The following KIF1B variants were observed in gnomAD, a reference collection of about 807,000 sequenced individuals.
KIF1B encodes kinesin-like protein KIF1B.
KIF1B carries 76 observed loss-of-function variants against 241.9 expected under a neutral mutation model. The observed-to-expected ratio is 0.31, with a 90% CI of 0.26 to 0.38. KIF1B has a LOEUF of 0.38. Ranked by LOEUF, KIF1B falls within the 10% of genes least tolerant of loss-of-function variation. KIF1B has a pLI of 1.00. For missense variants in KIF1B, 1,622 were observed against 2,271.4 expected, an observed-to-expected ratio of 0.71 and a Z score of 5.81; for synonymous variants, 750 against 796.7, an observed-to-expected ratio of 0.94 and a Z score of 0.99.
At chr1:10,312,500 AC>A (rs1651110164) in intron 22 of KIF1B, among the ~76,000 whole-genome samples, 1 of 151,196 alleles carries the variant, frequency 6.6e-6, no homozygotes, top group Non-Finnish European at 1.5e-5. Context: ...ATATCCCCAG[AC>A]CTTACCATGG....
At chr1:10,232,495 G>A (rs753997628) in intron 2 of KIF1B, 61 bp downstream of exon 2, 69 of 1,210,046 alleles carry the variant, frequency 5.7e-5, no homozygotes, top group Non-Finnish European at 7.3e-5. Flanking sequence ...TTTCCCTGTC[G>A]TCTTGCTGTG....
intron 45 of KIF1B, among the ~76,000 whole-genome samples, chr1:10,373,991 G>A (rs1246450230): frequency 6.6e-6 from 1 of 152,318 alleles, no homozygotes; most frequent in East Asian, 1.9e-4. Context: ...GTGGCCATGG[G>A]ACTAAAAAGA....
intron 2 of KIF1B, among the ~76,000 whole-genome samples, chr1:10,236,273 AAAC>A (rs367849877): frequency 8.6e-4 from 81 of 94,074 alleles, no homozygotes; most frequent in African/African-American, 1.3e-3. Flanking sequence ...CTCCATCCCA[AAAC>A]AACAACAACA....
rs181996610 is a variant in KIF1B, at chr1:10,351,268, C to T, written c.3950-1363C>T. Among the ~76,000 whole-genome samples, 451 of 151,836 alleles carry T rather than the reference C, an allele frequency of 3.0e-3. 2 individuals are homozygous for T. Among genetic ancestry groups the T allele is most frequent in the African/African-American group, 0.01 (427 of 41,390 alleles). ...TTTATATGGAACCCTAATACCGAAA[C>T]AGAAGAGATGCTTTCTGACCAGAGA... On this transcript the variant is annotated intron_variant, in intron 37 of 48. Transcript: ENST00000676179.
Position 10,278,119 on chromosome 1 carries a change from A to G in KIF1B, c.1171A>G (p.Ile391Val), listed in dbSNP as rs754483212. The change falls in exon 13 of 49, where the codon ATT (isoleucine) becomes GTT (valine). Residue 391 changes from isoleucine (I) to valine (V), a missense_variant. By Grantham distance (29) the Ile-to-Val change is conservative. This residue lies in a region of KIF1B where 201 missense variants were observed against 301.2 expected (regional missense o/e 0.67). Transcript: ENST00000676179. The stretch of plus-strand genomic sequence containing the variant: ...TCTTCGTGCTCAGGGCCTGGGAGAT[A>G]TTATTGATAGTAAGTGAATTAAGGA... ...DLLRAQGLGDIIDIDPLIDDY... is the reference protein window; with the variant it reads ...DLLRAQGLGDVIDIDPLIDDY... 6.2e-7 allele frequency: 1 copy of G among 1,614,010 alleles called. No individual in the cohort carries two copies. The highest frequency in any genetic ancestry group is 8.5e-7 in the Non-Finnish European group (1 of 1,179,898).
Position 10,345,841 on chromosome 1 carries a change from A to G in KIF1B, c.3689-4A>G, listed in dbSNP as rs767558248. 6 of 1,613,396 alleles carry G rather than the reference A, an allele frequency of 3.7e-6. No homozygotes were observed. The South Asian group carries it at 5.5e-5, about 15-fold the overall frequency. ...TTTTGACATACTCTAAAAACTTTTA[A>G]AAGTTCCAGCCACCAAGTTAAACAC... On this transcript the variant is annotated splice_polypyrimidine_tract_variant and splice_region_variant and intron_variant, in intron 34 of 48. Transcript: ENST00000676179.
At chr1:10,284,074 CT>C (rs1378831044) in intron 15 of KIF1B, among the ~76,000 whole-genome samples, 7 of 152,272 alleles carry the variant, frequency 4.6e-5, no homozygotes, top group Non-Finnish European at 7.4e-5. Context: ...ATTTTACTTA[CT>C]TCAAAAGTAC....
intron 38 of KIF1B, among the ~76,000 whole-genome samples, chr1:10,353,980 G>A (rs1467235151): frequency 6.6e-6 from 1 of 152,184 alleles, no homozygotes; most frequent in African/African-American, 2.4e-5. Context: ...AAAATGTATT[G>A]TAAATTTCCC....
rs1227916320 is a variant in KIF1B at position 10,379,398 on chromosome 1, C to T, written c.*2811C>T. 8.6e-6 allele frequency: 2 copies of T among 231,430 alleles called. No individual in the cohort carries two copies. Among genetic ancestry groups the T allele is most frequent in the Non-Finnish European group, 1.7e-5 (2 of 116,694 alleles). The allele number at this position is 231,430 out of a possible 1,614,324, so 14.3% of individuals were successfully genotyped here. A position where few individuals can be genotyped will look rare whatever the true frequency, so the allele number is the denominator to read the frequency against. On this transcript the variant is annotated 3_prime_UTR_variant, in exon 49 of 49. Coordinates refer to ENST00000676179, the MANE Select transcript of KIF1B (RefSeq NM_001365951.3). ...GGTCGTGTCCTGCGTGCTCTTCACC[C>T]TCTGGGGCGCCCCTGCTGCGGCTGG...
At chr1:10,322,643 A>T (rs919185118) in intron 24 of KIF1B, among the ~76,000 whole-genome samples, 4 of 152,292 alleles carry the variant, frequency 2.6e-5, no homozygotes, top group African/African-American at 7.2e-5. Flanking sequence ...GAAATTAATT[A>T]TCTTCTCCTA....
chr1:10,272,806 G>A (rs907815122), intron 9 of KIF1B, among the ~76,000 whole-genome samples: 2 of 151,034 alleles, frequency 1.3e-5, no homozygotes, highest in African/African-American at 4.9e-5. Context: ...TTAAATTAGG[G>A]GCTTTGTTGT....
In KIF1B at chr1:10,324,143, C is replaced by T. The variant is rs1010686163; in HGVS notation, c.2537+81C>T. On this transcript the variant is annotated intron_variant, in intron 25 of 48. Coordinates refer to ENST00000676179, the MANE Select transcript of KIF1B (RefSeq NM_001365951.3). ...CTCAAGTGAGCTCCCTCCAGCTCTCCTCTCTCTGAGGACACTGTTGCTTAC... is the reference window on the plus strand; with the variant it reads ...CTCAAGTGAGCTCCCTCCAGCTCTCTTCTCTCTGAGGACACTGTTGCTTAC... The T allele has an allele frequency of 5.1e-6, 7 of 1,364,236 alleles. No homozygotes were observed. In the African/African-American group the frequency reaches 7.1e-5, roughly 14 times the overall value. 84.5% of individuals were successfully genotyped at this position (1,364,236 alleles called of 1,614,324 possible). A position where few individuals can be genotyped will look rare whatever the true frequency, so the allele number is the denominator to read the frequency against.
At chr1:10,246,424 T>G (rs1647212966) in intron 2 of KIF1B, among the ~76,000 whole-genome samples, 1 of 152,176 alleles carries the variant, frequency 6.6e-6, no homozygotes, top group African/African-American at 2.4e-5. Flanking sequence ...TGCCCTTGTT[T>G]CCATGCAGTA....
rs569211573 is a variant in KIF1B, at chr1:10,302,216, G to A, written c.2115+4970G>A. On this transcript the variant is annotated intron_variant, in intron 22 of 48. Coordinates refer to ENST00000676179, the MANE Select transcript of KIF1B (RefSeq NM_001365951.3). ...TATTTGCCCAGCTTTATTTTTGTTC[G>A]GGTAATTTATTTCTCAAAATTTTGG... Among the ~76,000 whole-genome samples, 227 of 152,046 alleles carry A rather than the reference G, an allele frequency of 1.5e-3. 1 individual carries two copies. Among genetic ancestry groups the A allele is most frequent in the African/African-American group, 4.9e-3 (205 of 41,472 alleles).
At chr1:10,293,472 T>C (rs961608759) in intron 17 of KIF1B, among the ~76,000 whole-genome samples, 1 of 150,554 alleles carries the variant, frequency 6.6e-6, no homozygotes, top group African/African-American at 2.4e-5. Context: ...CTTGGCTCAC[T>C]GCAACCTCCG....
At position 10,334,436 on chromosome 1, in the gene KIF1B, C is replaced by T. The variant is rs895017502; in HGVS notation, c.2925-84C>T. On this transcript the variant is annotated intron_variant, in intron 27 of 48. Coordinates refer to ENST00000676179, the MANE Select transcript of KIF1B (RefSeq NM_001365951.3). ...AAGGCCAGAAGTCAGCTCACAGTTG[C>T]AGGAAGATGTTCTCAGTGAATCTGA... 10 of 1,038,334 alleles carry T rather than the reference C, an allele frequency of 9.6e-6. No homozygotes were observed. In the Admixed American group the frequency reaches 1.2e-4, roughly 12 times the overall value. The allele number at this position is 1,038,334 out of a possible 1,614,324, so 64.3% of individuals were successfully genotyped here.
intron 10 of KIF1B, 137 bp from the exon 11 acceptor site, chr1:10,275,291 A>G (rs1649039600): frequency 3.1e-6 from 2 of 645,262 alleles, no homozygotes; most frequent in Non-Finnish European, 5.6e-6. Context: ...AAGAATTGAA[A>G]CTATGAATGA....
chr1:10,364,967 C>A (rs1638525040), intron 41 of KIF1B, 133 bp from the exon 42 acceptor site: 2 of 720,636 alleles, frequency 2.8e-6, no homozygotes, highest in Admixed American at 2.7e-5. Context: ...GATCACGCCA[C>A]TGCACTCCAG....
chr1:10,252,593 G>A (rs1265779413), intron 2 of KIF1B, among the ~76,000 whole-genome samples: 1 of 151,284 alleles, frequency 6.6e-6, no homozygotes, highest in Non-Finnish European at 1.5e-5. Context: ...TGTATTTTTT[G>A]TGGAGATGAG....
Sources: allele counts gnomAD v4.1 joint callset (sites outside exome capture counted in the v4.1 genomes callset), GRCh38; gene constraint gnomAD v4.1.1; regional missense constraint gnomAD v4.1.1; transcripts MANE v1.5; gene names NCBI Gene and HGNC (gene_info 2026-07-23, HGNC 2026-07-21).